The following RIT2 variants were observed in gnomAD, a reference collection of about 807,000 sequenced individuals.
RIT2 encodes the protein Ras like without CAAX 2, also known as GTP-binding protein Rit2.
RIT2 carries 24 observed loss-of-function variants against 23.7 expected under a neutral mutation model. The ratio of observed to expected loss-of-function variants is 1.01; its 90% confidence interval spans 0.73 to 1.43. RIT2 has a LOEUF of 1.43. Among genes scored for constraint, RIT2 ranks in the 40% most tolerant of loss-of-function variants. RIT2 has a pLI of 0.00. For synonymous variants in RIT2, 107 were observed against 91.1 expected, an observed-to-expected ratio of 1.17 and a Z score of -0.99; for missense variants, 236 against 266.9, an observed-to-expected ratio of 0.88 and a Z score of 0.81.
At chr18:42,963,630 T>C (rs542965013) in intron 3 of RIT2, among the ~76,000 whole-genome samples, 187 of 152,306 alleles carry the variant, frequency 1.2e-3, no homozygotes, top group East Asian at 6.8e-3. Flanking sequence ...TGGTGGCTCA[T>C]ATCTGTAATC....
At chr18:42,781,756 C>A (rs867369973) in intron 4 of RIT2, among the ~76,000 whole-genome samples, 9 of 152,164 alleles carry the variant, frequency 5.9e-5, no homozygotes, top group South Asian at 2.1e-4. Context: ...TGCACACTTG[C>A]ATTAATGTAT....
chr18:42,835,371 A>C (rs944311084), intron 4 of RIT2, among the ~76,000 whole-genome samples: 1 of 152,074 alleles, frequency 6.6e-6, no homozygotes, highest in African/African-American at 2.4e-5. Flanking sequence ...TTAAATATAC[A>C]CAATAAAATT....
intron 3 of RIT2, among the ~76,000 whole-genome samples, chr18:42,967,012 A>C (rs757914514): frequency 6.6e-6 from 1 of 152,272 alleles, no homozygotes; most frequent in East Asian, 1.9e-4. Flanking sequence ...TCATTTATAT[A>C]ATCTAAATCC....
chr18:43,115,345 A>AT, intron 1 of RIT2, 72 bp downstream of exon 1: 1 of 1,574,884 alleles, frequency 6.3e-7, no homozygotes. Context: ...CAGCAATATC[A>AT]TTTTTCTTTC....
At chr18:42,922,762 T>C (rs1909084162) in intron 4 of RIT2, among the ~76,000 whole-genome samples, 1 of 152,138 alleles carries the variant, frequency 6.6e-6, no homozygotes, top group Non-Finnish European at 1.5e-5. Flanking sequence ...TAGCCACAGT[T>C]TCTTCCTTAT....
chr18:42,754,032 G>A (rs117768978), intron 4 of RIT2, among the ~76,000 whole-genome samples: 3 of 152,268 alleles, frequency 2.0e-5, no homozygotes, highest in East Asian at 3.9e-4. Context: ...TGTGCTTATA[G>A]GGTGTTCCTT....
Position 43,115,626 on chromosome 18 carries a change from A to T in RIT2, c.-107T>A. ...ACTGTGTCAAAGCAAAGGTTTTAGT[A>T]CGAGGTAAGAACCATCAGCGTCGGG... On this transcript the variant is annotated 5_prime_UTR_variant, in exon 1 of 5. Coordinates refer to ENST00000326695, the MANE Select transcript of RIT2 (RefSeq NM_002930.4). The T allele has an allele frequency of 6.9e-7, 1 of 1,449,902 alleles. No individual in the cohort carries two copies. The highest frequency in any genetic ancestry group is 1.4e-5 in the South Asian group (1 of 69,826). The allele number at this position is 1,449,902 out of a possible 1,614,324, so 89.8% of individuals were successfully genotyped here. A position where few individuals can be genotyped will look rare whatever the true frequency, so the allele number is the denominator to read the frequency against.
At chr18:42,767,605 G>A (rs1423204627) in intron 4 of RIT2, among the ~76,000 whole-genome samples, 2 of 152,114 alleles carry the variant, frequency 1.3e-5, no homozygotes, top group Non-Finnish European at 2.9e-5. Flanking sequence ...AGACTTTGGA[G>A]AACTGTTGGG....
rs555720656 is a variant in RIT2, at chr18:42,896,847, C to T, written c.426+26725G>A. ...AGTGAGAAAACCTGTTGAGTAAATG[C>T]CATTAGATGGGTATTCTAATCCTGG... On this transcript the variant is annotated intron_variant, in intron 4 of 4. Transcript: ENST00000326695. 6.6e-5 allele frequency among the ~76,000 whole-genome samples: 10 copies of T among 152,262 alleles called. No homozygotes were observed. In the South Asian group the frequency reaches 1.9e-3, roughly 28 times the overall value.
chr18:42,837,147 C>CTTTTT (rs1196949759), intron 4 of RIT2, among the ~76,000 whole-genome samples: 7 of 48,728 alleles, frequency 1.4e-4, no homozygotes, highest in Non-Finnish European at 2.4e-4. Context: ...CTTTTTTTTT[C>CTTTTT]TTTTTCTTTT....
At chr18:42,814,023 C>A (rs1905923761) in intron 4 of RIT2, among the ~76,000 whole-genome samples, 1 of 151,520 alleles carries the variant, frequency 6.6e-6, no homozygotes. Context: ...ATTGAGAGAG[C>A]TGAGTGAAAT....
chr18:43,055,240 T>G (rs997763739), intron 1 of RIT2, among the ~76,000 whole-genome samples: 3 of 152,154 alleles, frequency 2.0e-5, no homozygotes, highest in Non-Finnish European at 4.4e-5. Flanking sequence ...AGCCATATTC[T>G]TACGAAGAAA....
intron 4 of RIT2, among the ~76,000 whole-genome samples, chr18:42,779,660 A>C (rs1374686774): frequency 6.6e-6 from 1 of 152,210 alleles, no homozygotes; most frequent in Non-Finnish European, 1.5e-5. Flanking sequence ...CTCATCCTAC[A>C]GCTCGCAGTC....
intron 3 of RIT2, among the ~76,000 whole-genome samples, chr18:42,934,431 C>T (rs1909403825): frequency 6.6e-6 from 1 of 151,908 alleles, no homozygotes; most frequent in Admixed American, 6.6e-5. Context: ...AGGTTAGAGC[C>T]AGGAAAAATA....
At chr18:43,108,557 T>G (rs1001470069) in intron 1 of RIT2, among the ~76,000 whole-genome samples, 1 of 152,178 alleles carries the variant, frequency 6.6e-6, no homozygotes, top group Non-Finnish European at 1.5e-5. Flanking sequence ...ACATGCTCGT[T>G]CATCTCCAGT....
chr18:42,763,802 TTTAAG>T (rs1913359715), intron 4 of RIT2, among the ~76,000 whole-genome samples: 1 of 152,200 alleles, frequency 6.6e-6, no homozygotes, highest in Non-Finnish European at 1.5e-5. Context: ...TTTCTTCTAT[TTTAAG>T]TTTTTTCTAT....
At chr18:43,045,463 A>T (rs2144299768) in intron 1 of RIT2, among the ~76,000 whole-genome samples, 1 of 152,314 alleles carries the variant, frequency 6.6e-6, no homozygotes, top group South Asian at 2.1e-4. Context: ...GTTAGTAACT[A>T]ATGGGCACCA....
chr18:42,883,478 C>T (rs900405286), intron 4 of RIT2, among the ~76,000 whole-genome samples: 6 of 152,078 alleles, frequency 3.9e-5, no homozygotes, highest in Admixed American at 1.3e-4. Flanking sequence ...CAGCAGGACA[C>T]AGATTTCAGA....
intron 4 of RIT2, among the ~76,000 whole-genome samples, chr18:42,763,071 A>G (rs1913338507): frequency 6.6e-6 from 1 of 152,220 alleles, no homozygotes; most frequent in South Asian, 2.1e-4. Flanking sequence ...TGTACATCAT[A>G]TTGCTGTGCT....
Sources: allele counts gnomAD v4.1 joint callset (sites outside exome capture counted in the v4.1 genomes callset), GRCh38; gene constraint gnomAD v4.1.1; transcripts MANE v1.5; gene names NCBI Gene and HGNC (gene_info 2026-07-23, HGNC 2026-07-21).